CEP55: variants seen among roughly 807,000 people sequenced by gnomAD.
CEP55 encodes the protein centrosomal protein 55, also known as centrosomal protein of 55 kDa.
A neutral mutation model predicts 63.2 loss-of-function variants in CEP55; 57 were observed. That is an observed-to-expected ratio of 0.90 (90% CI 0.73 to 1.13). The LOEUF is 1.13. Ranked by LOEUF, CEP55 falls within the 50% of genes most tolerant of loss-of-function variation. The pLI is 0.00. For synonymous variants in CEP55, 178 were observed against 191.6 expected, an observed-to-expected ratio of 0.93 and a Z score of 0.59; for missense variants, 456 against 518.9, an observed-to-expected ratio of 0.88 and a Z score of 1.18.
At chr10:93,506,701 G>A (rs1303407899) in intron 3 of CEP55, among the ~76,000 whole-genome samples, 1 of 152,160 alleles carries the variant, frequency 6.6e-6, no homozygotes, top group African/African-American at 2.4e-5. Context: ...CCGTGTAGCT[G>A]GGATTATAGG....
intron 8 of CEP55, among the ~76,000 whole-genome samples, chr10:93,522,469 C>T (rs2057875014): frequency 1.3e-5 from 2 of 152,160 alleles, no homozygotes; most frequent in African/African-American, 4.8e-5. Flanking sequence ...GACTGGTGTA[C>T]CTGAAAGTGA....
chr10:93,522,416 T>C (rs2057874228), intron 8 of CEP55, among the ~76,000 whole-genome samples: 2 of 152,152 alleles, frequency 1.3e-5, no homozygotes, highest in Admixed American at 6.5e-5. Context: ...GAACAAAGCC[T>C]CCAAGAAATA....
chr10:93,498,829 A>T (rs2057601645), intron 1 of CEP55, among the ~76,000 whole-genome samples: 2 of 149,422 alleles, frequency 1.3e-5, no homozygotes, highest in South Asian at 2.1e-4. Context: ...TTTTTAAACC[A>T]GTTTACACCC....
intron 6 of CEP55, 101 bp downstream of exon 6, chr10:93,517,349 T>C (rs1328089499): frequency 1.2e-6 from 1 of 851,512 alleles, no homozygotes; most frequent in Non-Finnish European, 1.8e-6. Flanking sequence ...CAAAACAAAT[T>C]CCTGCCCCTC....
At chr10:93,508,806 T>C (rs2057713677) in intron 4 of CEP55, among the ~76,000 whole-genome samples, 1 of 152,194 alleles carries the variant, frequency 6.6e-6, no homozygotes, top group Non-Finnish European at 1.5e-5. Context: ...CCTGACCACT[T>C]TGTCTAAAAT....
At chr10:93,526,919 C>T (rs1426625548) in intron 8 of CEP55, among the ~76,000 whole-genome samples, 1 of 151,872 alleles carries the variant, frequency 6.6e-6, no homozygotes, top group Non-Finnish European at 1.5e-5. Flanking sequence ...GACATCACAC[C>T]CCAGGACCTG....
At chr10:93,500,310 C>G in intron 2 of CEP55, 76 bp downstream of exon 2, 1 of 1,206,890 alleles carries the variant, frequency 8.3e-7, no homozygotes, top group Non-Finnish European at 1.2e-6. Flanking sequence ...ATGCTACCTT[C>G]TTACTCTTGC....
intron 4 of CEP55, among the ~76,000 whole-genome samples, chr10:93,513,188 G>A (rs1227501274): frequency 1.3e-5 from 2 of 152,034 alleles, no homozygotes; most frequent in African/African-American, 4.8e-5. Context: ...AGAGAAAAGT[G>A]TCTGGTAAAG....
chr10:93,502,572 T>C (rs1045589617), intron 2 of CEP55, among the ~76,000 whole-genome samples: 8 of 152,256 alleles, frequency 5.3e-5, no homozygotes, highest in Non-Finnish European at 8.8e-5. Flanking sequence ...TTGTGAATCT[T>C]TGAAGATGTT....
chr10:93,515,368 T>C (rs758513849), intron 4 of CEP55, 37 bp from the exon 5 acceptor site: 18 of 1,555,872 alleles, frequency 1.2e-5, no homozygotes, highest in Non-Finnish European at 1.5e-5. Context: ...TTTGTTTTTT[T>C]ATTTTACTGT....
intron 6 of CEP55, 48 bp downstream of exon 6, chr10:93,517,296 T>A: frequency 2.1e-6 from 3 of 1,434,772 alleles, no homozygotes; most frequent in Non-Finnish European, 2.8e-6. Context: ...GAACACTTTC[T>A]AAGTGTCAGG....
chr10:93,521,064 C>T (rs1367976104), intron 8 of CEP55, among the ~76,000 whole-genome samples: 2 of 152,106 alleles, frequency 1.3e-5, no homozygotes, highest in Non-Finnish European at 2.9e-5. Flanking sequence ...TCTGCATTTC[C>T]AACTGAGGTA....
intron 4 of CEP55, among the ~76,000 whole-genome samples, chr10:93,510,908 G>A (rs10882254): frequency 0.14 from 21,686 of 150,710 alleles, 2,277 homozygotes; most frequent in East Asian, 0.57. Flanking sequence ...GTCAAACCTG[G>A]GCGAAGACCT....
chr10:93,500,133 G>A lies in CEP55; in HGVS notation c.82G>A (p.Glu28Lys). 6.2e-7 allele frequency: 1 copy of A among 1,613,670 alleles called. No homozygotes were observed. Among genetic ancestry groups the A allele is most frequent in the African/African-American group, 1.3e-5 (1 of 75,022 alleles). The change falls in exon 2 of 9, where the codon GAA becomes AAA. Residue 28 changes from glutamate to lysine, a missense_variant. By Grantham distance (56) the Glu-to-Lys change is moderately conservative. Coordinates refer to ENST00000371485, the MANE Select transcript of CEP55 (RefSeq NM_018131.5). ...PSNSKSETTLEKLKGEIAHLK... is the reference protein window; with the variant it reads ...PSNSKSETTLKKLKGEIAHLK... ...TAACTCCAAATCCGAAACTACATTA[G>A]AAAAATTAAAGGGAGAAATTGCACA...
At chr10:93,517,380 C>A in intron 6 of CEP55, 132 bp downstream of exon 6, 1 of 623,662 alleles carries the variant, frequency 1.6e-6, no homozygotes, top group Middle Eastern at 2.6e-4. Context: ...TATTCCAGAA[C>A]AGAAACAGAC....
chr10:93,497,883 C>A (rs2057589382), intron 1 of CEP55, among the ~76,000 whole-genome samples: 1 of 151,806 alleles, frequency 6.6e-6, no homozygotes, highest in Non-Finnish European at 1.5e-5. Context: ...CTTTGGGAGG[C>A]CGAGGCGGGC....
intron 2 of CEP55, among the ~76,000 whole-genome samples, chr10:93,501,397 A>T (rs925598038): frequency 6.6e-6 from 1 of 152,368 alleles, no homozygotes; most frequent in Non-Finnish European, 1.5e-5. Context: ...TTTAGAAAAT[A>T]AATGGTTAAG....
intron 4 of CEP55, among the ~76,000 whole-genome samples, chr10:93,511,199 A>G (rs1192291597): frequency 2.6e-5 from 4 of 152,010 alleles, no homozygotes; most frequent in Non-Finnish European, 5.9e-5. Flanking sequence ...TCAGCCTCCC[A>G]AAGTGCTGGG....
intron 5 of CEP55, among the ~76,000 whole-genome samples, chr10:93,516,037 C>T (rs2057800129): frequency 6.6e-6 from 1 of 152,146 alleles, no homozygotes; most frequent in Non-Finnish European, 1.5e-5. Flanking sequence ...TTGCAGTTTC[C>T]CTTACATAGA....
Sources: allele counts gnomAD v4.1 joint callset (sites outside exome capture counted in the v4.1 genomes callset), GRCh38; gene constraint gnomAD v4.1.1; transcripts MANE v1.5; gene names NCBI Gene and HGNC (gene_info 2026-07-23, HGNC 2026-07-21).